Variants in DAAM2 observed in about 807,000 individuals in gnomAD.
DAAM2 encodes the protein dishevelled associated activator of morphogenesis 2.
In DAAM2, 39 loss-of-function variants were observed where a neutral mutation model predicts 120.7. That is an observed-to-expected ratio of 0.32 (90% CI 0.25 to 0.42). DAAM2 has a LOEUF of 0.42. Among genes scored for constraint, DAAM2 ranks in the 10% least tolerant of loss-of-function variants. The pLI is 1.00. For missense variants in DAAM2, 1,283 were observed against 1,401.7 expected (o/e 0.92, Z 1.35); for synonymous variants, 488 against 524.9 (o/e 0.93, Z 0.96).
intron 19 of DAAM2, among the ~76,000 whole-genome samples, chr6:39,896,497 C>T (rs1305773150): frequency 1.3e-5 from 2 of 152,186 alleles, no homozygotes; most frequent in African/African-American, 2.4e-5. Flanking sequence ...GCCACCGCAA[C>T]CGGCCTTCTT....
rs111948475 is a variant in DAAM2 at position 39,893,642 on chromosome 6, T to C, written c.2341+1920T>C. Among the ~76,000 whole-genome samples, 102 of 152,370 alleles carry C rather than the reference T, an allele frequency of 6.7e-4. 1 individual carries two copies. The highest frequency in any genetic ancestry group is 2.3e-3 in the African/African-American group (97 of 41,600). ...TCTGCTGGGGAAAGCTACTCTTCTA[T>C]AGCTCTGCTCTATAATAATTGCTCT... On this transcript the variant is annotated intron_variant, in intron 19 of 24. Transcript: ENST00000274867.
intron 1 of DAAM2, among the ~76,000 whole-genome samples, chr6:39,841,412 TG>T (rs373316850): frequency 3.4e-3 from 93 of 27,074 alleles, no homozygotes; most frequent in African/African-American, 0.013. Context: ...TGGGGAAAGG[TG>T]GGGGAGGGCC....
chr6:39,816,709 C>A (rs1273094962), intron 1 of DAAM2, among the ~76,000 whole-genome samples: 1 of 152,180 alleles, frequency 6.6e-6, no homozygotes, highest in Non-Finnish European at 1.5e-5. Flanking sequence ...ATGGAGGAGT[C>A]CCAGCAGCCT....
Position 39,873,303 on chromosome 6 carries a change from G to A in DAAM2, c.1110G>A (p.Thr370=), listed in dbSNP as rs776740132. Residue 370 remains threonine (T), a synonymous_variant, in exon 10 of 25, where the codon ACG becomes ACA. Coordinates refer to ENST00000274867, the MANE Select transcript of DAAM2 (RefSeq NM_001201427.2). The stretch of plus-strand genomic sequence containing the variant: ...TGATCCACAAGAAGCTGAAGTACAC[G>A]GAGGCCTACCCCTGCCTGCTCTCTG... ...FELIHKKLKY[T]EAYPCLLSVL... 78 of 1,613,518 alleles carry A rather than the reference G, an allele frequency of 4.8e-5. No individual in the cohort carries two copies. The highest frequency in any genetic ancestry group is 1.3e-4 in the Admixed American group (8 of 59,972).
At chr6:39,837,243 T>G (rs1763135914) in intron 1 of DAAM2, among the ~76,000 whole-genome samples, 1 of 152,064 alleles carries the variant, frequency 6.6e-6, no homozygotes, top group African/African-American at 2.4e-5. Flanking sequence ...ACCTGCAGGG[T>G]GGGTGCATCT....
intron 1 of DAAM2, among the ~76,000 whole-genome samples, chr6:39,830,798 C>T (rs1381940431): frequency 6.6e-6 from 1 of 152,168 alleles, no homozygotes; most frequent in Non-Finnish European, 1.5e-5. Context: ...CAGGCACACA[C>T]CTCTGACATT....
chr6:39,904,282 C>CTATT lies in DAAM2; in HGVS notation c.*2251_*2254dup. On this transcript the variant is annotated 3_prime_UTR_variant, in exon 25 of 25. Coordinates refer to ENST00000274867, the MANE Select transcript of DAAM2 (RefSeq NM_001201427.2). ...CTCACTCTAAAAGAAAGATATTTTT[C>CTATT]TATTTATTTTCTACATCTGGCCAGT... is the stretch of plus-strand genomic sequence containing the variant. 2.2e-6 allele frequency: 1 copy of CTATT among 456,736 alleles called. No individual in the cohort carries two copies. Among genetic ancestry groups the CTATT allele is most frequent in the South Asian group, 1.5e-5 (1 of 64,574 alleles). 28.3% of individuals were successfully genotyped at this position (456,736 alleles called of 1,614,324 possible).
chr6:39,868,753 A>C, intron 6 of DAAM2, 70 bp from the exon 7 acceptor site: 2 of 1,147,720 alleles, frequency 1.7e-6, no homozygotes, highest in South Asian at 2.7e-5. Flanking sequence ...CGACAGGAGT[A>C]AAGATGCAAA....
At chr6:39,877,337 T>G (rs1764914196) in intron 11 of DAAM2, among the ~76,000 whole-genome samples, 1 of 152,162 alleles carries the variant, frequency 6.6e-6, no homozygotes, top group Non-Finnish European at 1.5e-5. Context: ...TGGTTCCAAG[T>G]AGGGCCCCAG....
At chr6:39,828,241 G>T (rs1720452340) in intron 1 of DAAM2, among the ~76,000 whole-genome samples, 1 of 152,192 alleles carries the variant, frequency 6.6e-6, no homozygotes, top group Non-Finnish European at 1.5e-5. Context: ...ATTTCTCATG[G>T]TTCTGGACTT....
At chr6:39,829,629 C>T (rs995495552) in intron 1 of DAAM2, among the ~76,000 whole-genome samples, 3 of 152,138 alleles carry the variant, frequency 2.0e-5, no homozygotes, top group Admixed American at 1.3e-4. Context: ...CAACATGTCC[C>T]TGGGTCAGTA....
At chr6:39,828,994 G>A (rs929742258) in intron 1 of DAAM2, among the ~76,000 whole-genome samples, 1 of 152,208 alleles carries the variant, frequency 6.6e-6, no homozygotes, top group Non-Finnish European at 1.5e-5. Flanking sequence ...AGGGGCTAAC[G>A]CATAGTAGGT....
At chr6:39,804,472 T>A (rs1030224623) in intron 1 of DAAM2, among the ~76,000 whole-genome samples, 1 of 152,180 alleles carries the variant, frequency 6.6e-6, no homozygotes, top group Non-Finnish European at 1.5e-5. Context: ...ATTCTTTCCT[T>A]TTTTTCTGAG....
In DAAM2 at chr6:39,800,274, G is replaced by A. The variant is rs561331819; in HGVS notation, c.-57+7809G>A. Among the ~76,000 whole-genome samples the A allele has an allele frequency of 6.0e-3, 916 of 152,192 alleles. 7 individuals carry two copies. Among genetic ancestry groups the A allele is most frequent in the Non-Finnish European group, 0.01 (701 of 68,020 alleles). ...ATGTACACAGCCTGCTGACCACCCT[G>A]GGGTGTGACTACCTGGTGTGTGTGG... On this transcript the variant is annotated intron_variant, in intron 1 of 24. Transcript: ENST00000274867.
At chr6:39,883,177 GC>G (rs1765210448) in intron 14 of DAAM2, among the ~76,000 whole-genome samples, 1 of 113,390 alleles carries the variant, frequency 8.8e-6, no homozygotes, top group African/African-American at 3.9e-5. Flanking sequence ...CTACGAGACT[GC>G]CAGGGCTTTT....
At position 39,825,452 on chromosome 6, in the gene DAAM2, G is replaced by T. The variant is rs377495272; in HGVS notation, c.-56-30795G>T. 3.9e-3 allele frequency among the ~76,000 whole-genome samples: 456 copies of T among 116,622 alleles called. 12 individuals carry two copies. The highest frequency in any genetic ancestry group is 0.013 in the African/African-American group (406 of 32,220). The allele number at this position is 116,622 out of a possible 152,430, so 76.5% of individuals were successfully genotyped here. A position where few individuals can be genotyped will look rare whatever the true frequency, so the allele number is the denominator to read the frequency against. ...AACACAAGGTCGGGGGGTTGGTGGG[G>T]GGCCTTTGTTTCTTGAAGGAAACAT... On this transcript the variant is annotated intron_variant, in intron 1 of 24. Coordinates refer to ENST00000274867, the MANE Select transcript of DAAM2 (RefSeq NM_001201427.2).
chr6:39,901,184 G>C lies in DAAM2; in HGVS notation c.2812-118G>C. The C allele has an allele frequency of 1.1e-6, 1 of 876,342 alleles. No individual in the cohort carries two copies. 54.3% of individuals were successfully genotyped at this position (876,342 alleles called of 1,614,324 possible). The stretch of plus-strand genomic sequence containing the variant: ...CACCTCTTCCAGCCCTGCCCCCTGT[G>C]CCAACAGTCCCCAGCCTTGCGCTGG... On this transcript the variant is annotated intron_variant, in intron 23 of 24. Coordinates refer to ENST00000274867, the MANE Select transcript of DAAM2 (RefSeq NM_001201427.2). The surrounding 1 kb of genome is among the most constrained non-coding windows in gnomAD (Gnocchi z 4.5).
intron 1 of DAAM2, among the ~76,000 whole-genome samples, chr6:39,828,439 G>A: frequency 6.6e-6 from 1 of 152,190 alleles, no homozygotes; most frequent in East Asian, 1.9e-4. Flanking sequence ...CCTTGCCAGT[G>A]GAACTATGCT....
In DAAM2 at chr6:39,860,942, C is replaced by A; in HGVS notation, c.183C>A (p.Leu61=). The A allele has an allele frequency of 6.2e-7, 1 of 1,612,936 alleles. No homozygotes were observed. Among genetic ancestry groups the A allele is most frequent in the Non-Finnish European group, 8.5e-7 (1 of 1,179,474 alleles). Residue 61 remains leucine (L), a synonymous_variant, in exon 3 of 25, where the codon CTC becomes CTA. Coordinates refer to ENST00000274867, the MANE Select transcript of DAAM2 (RefSeq NM_001201427.2). The part of the protein sequence containing the change: ...RFAELVDELD[L]TDKNREAMFA... ...TGTCTTTGCAGGATGAATTGGATCTCACTGACAAAAACCGAGAGGCTATGT... is the reference window on the plus strand; with the variant it reads ...TGTCTTTGCAGGATGAATTGGATCTAACTGACAAAAACCGAGAGGCTATGT...
Sources: gnomAD v4.1 joint callset for allele counts (sites outside exome capture counted in the v4.1 genomes callset) on GRCh38, gnomAD v4.1.1 for gene constraint, Gnocchi (gnomAD v3.1) non-coding constraint, MANE v1.5 for transcripts, NCBI Gene and HGNC (gene_info 2026-07-23, HGNC 2026-07-21) for gene names.